Variants in PCDH7 observed in about 807,000 individuals in gnomAD.
PCDH7 encodes the protein protocadherin-7.
Under a neutral mutation model 58.9 loss-of-function variants are expected in PCDH7, and 17 were observed. That is an observed-to-expected ratio of 0.29 (90% CI 0.20 to 0.43). The LOEUF is 0.43. Ranked by LOEUF, PCDH7 falls within the 20% of genes least tolerant of loss-of-function variation. The pLI is 1.00. For missense variants in PCDH7, 1,274 were observed against 1,441.0 expected (o/e 0.88, Z 1.88); for synonymous variants, 664 against 616.4 (o/e 1.08, Z -1.14).
At chr4:30,831,926 A>G (rs986585392) in intron 1 of PCDH7, among the ~76,000 whole-genome samples, 1 of 152,084 alleles carries the variant, frequency 6.6e-6, no homozygotes, top group African/African-American at 2.4e-5. Flanking sequence ...TGTATTTAAG[A>G]TATTTTGTAA....
intron 2 of PCDH7, among the ~76,000 whole-genome samples, chr4:30,941,554 G>A (rs972846984): frequency 1.3e-5 from 2 of 151,900 alleles, no homozygotes; most frequent in East Asian, 1.9e-4. Context: ...GTAAGAGGAG[G>A]GAGGTAACAA....
intron 1 of PCDH7, among the ~76,000 whole-genome samples, chr4:30,894,480 AAAAAAAAAAAATATAT>A (rs1279077031): frequency 9.0e-5 from 5 of 55,262 alleles, no homozygotes; most frequent in African/African-American, 2.9e-4. Context: ...AAAAAAAAAA[AAAAAAAAAAAATATAT>A]ATATATATAT....
At chr4:31,119,312 C>T (rs1207172330) in intron 3 of PCDH7, among the ~76,000 whole-genome samples, 5 of 152,064 alleles carry the variant, frequency 3.3e-5, no homozygotes, top group Non-Finnish European at 7.4e-5. Flanking sequence ...ATTAATTGAG[C>T]GCAGATCAAT....
intron 3 of PCDH7, among the ~76,000 whole-genome samples, chr4:30,971,836 C>A (rs150733649): frequency 0.013 from 2,030 of 152,196 alleles, 46 homozygotes; most frequent in African/African-American, 0.047. Context: ...GTGGCACATG[C>A]CTGTGGGGGC....
chr4:30,968,648 C>T (rs1749268358), intron 3 of PCDH7, among the ~76,000 whole-genome samples: 1 of 151,902 alleles, frequency 6.6e-6, no homozygotes. Flanking sequence ...TAATTCAGTT[C>T]ACTTGCCAGT....
intron 1 of PCDH7, among the ~76,000 whole-genome samples, chr4:30,888,384 A>G (rs373957569): frequency 6.6e-6 from 1 of 152,146 alleles, no homozygotes; most frequent in African/African-American, 2.4e-5. Flanking sequence ...CAATATCCAA[A>G]CTGTGAGATT....
intron 2 of PCDH7, among the ~76,000 whole-genome samples, chr4:30,931,182 G>A (rs915609673): frequency 6.6e-6 from 1 of 152,112 alleles, no homozygotes; most frequent in Non-Finnish European, 1.5e-5. Flanking sequence ...ACCATAAACT[G>A]CTTAAAGACA....
rs1714047611 is a variant in PCDH7 at position 30,723,413 on chromosome 4, T to C, written c.1991T>C (p.Met664Thr). The change falls in exon 1 of 2, where the codon ATG becomes ACG. Residue 664 changes from methionine (M) to threonine (T), a missense_variant. Around this residue, in one of 3 missense-constraint regions of PCDH7, gnomAD observed 731 missense variants for 881.9 expected, o/e 0.83. Transcript: ENST00000361762. The surrounding 1 kb of genome is among the most constrained non-coding windows in gnomAD (Gnocchi z 4.6). ...AGCCCTGTGGGGATGGTCACCGTGA[T>C]GGATGCTGACAAGGGGCGGAATGCA... 6.2e-7 allele frequency: 1 copy of C among 1,614,076 alleles called. No homozygotes were observed. The highest frequency in any genetic ancestry group is 1.3e-5 in the African/African-American group (1 of 74,932).
At chr4:30,847,959 G>T (rs1237716606) in intron 1 of PCDH7, among the ~76,000 whole-genome samples, 1 of 152,048 alleles carries the variant, frequency 6.6e-6, no homozygotes, top group African/African-American at 2.4e-5. Flanking sequence ...ATTTTCAAGA[G>T]AAAAGTCTAA....
chr4:30,911,320 ACCC>A (rs10718639), intron 1 of PCDH7, among the ~76,000 whole-genome samples: 104 of 116,206 alleles, frequency 8.9e-4, no homozygotes, highest in African/African-American at 3.0e-3. Flanking sequence ...AAAAAAAATC[ACCC>A]CCCCCCCCAA....
At chr4:31,043,401 A>G (rs1487589276) in intron 3 of PCDH7, among the ~76,000 whole-genome samples, 1 of 152,084 alleles carries the variant, frequency 6.6e-6, no homozygotes, top group East Asian at 1.9e-4. Context: ...ACTCCCACCA[A>G]CAGTGGAAAA....
rs560517004 is a variant in PCDH7, at chr4:31,071,626, A to G, written c.*8-70847A>G. 6.6e-5 allele frequency among the ~76,000 whole-genome samples: 10 copies of G among 152,152 alleles called. 1 individual carries two copies. The highest frequency in any genetic ancestry group is 3.3e-4 in the Admixed American group (5 of 15,250). Reference sequence around the variant, plus strand: ...TCATTAGTGATAAAATAATGGGGTAAGTCAGCAGAGAAAGCTCAATTCATT... The same window carrying G: ...TCATTAGTGATAAAATAATGGGGTAGGTCAGCAGAGAAAGCTCAATTCATT... On this transcript the variant is annotated intron_variant, in intron 3 of 3. Transcript: ENST00000509759.
At chr4:30,845,783 G>A (rs1189808889) in intron 1 of PCDH7, among the ~76,000 whole-genome samples, 1 of 152,012 alleles carries the variant, frequency 6.6e-6, no homozygotes, top group South Asian at 2.1e-4. Context: ...TTTAGAGACA[G>A]AGTAACATTA....
intron 3 of PCDH7, among the ~76,000 whole-genome samples, chr4:31,079,325 T>C: frequency 2.4e-5 from 1 of 41,402 alleles, no homozygotes; most frequent in Non-Finnish European, 4.5e-5. Flanking sequence ...TATATATATA[T>C]ATATATATAT....
rs147741615 is a variant in PCDH7 at position 30,745,319 on chromosome 4, C to CT, written c.70+20730dup. 5.4e-3 allele frequency among the ~76,000 whole-genome samples: 805 copies of CT among 148,520 alleles called. 6 individuals are homozygous for CT. The highest frequency in any genetic ancestry group is 0.017 in the African/African-American group (696 of 40,334). ...GATATCTGGAGAACAATTATAATGACTTTTTTTCTTTTACAATTTCTAATT... is the reference window on the plus strand; with the variant it reads ...GATATCTGGAGAACAATTATAATGACTTTTTTTTCTTTTACAATTTCTAATT... On this transcript the variant is annotated intron_variant, in intron 1 of 3. Coordinates refer to the PCDH7 transcript ENST00000509759.
At chr4:30,879,249 C>T (rs971665640) in intron 1 of PCDH7, among the ~76,000 whole-genome samples, 1 of 151,386 alleles carries the variant, frequency 6.6e-6, no homozygotes, top group African/African-American at 2.4e-5. Flanking sequence ...TCTTTCCTTT[C>T]TTCTCTACTT....
rs529823417 is a variant in PCDH7 at position 30,840,502 on chromosome 4, C to T, written c.71-79651C>T. ...CTCATACTTCCGTTATTGTATTATC[C>T]TTTAAAAATAAAACAATAAATATTT... On this transcript the variant is annotated intron_variant, in intron 1 of 3. Transcript: ENST00000509759. Among the ~76,000 whole-genome samples, 20 of 152,080 alleles carry T rather than the reference C, an allele frequency of 1.3e-4. No individual in the cohort carries two copies. In the East Asian group the frequency reaches 3.7e-3, roughly 28 times the overall value.
chr4:31,057,001 T>C (rs1757314352), intron 3 of PCDH7, among the ~76,000 whole-genome samples: 1 of 152,218 alleles, frequency 6.6e-6, no homozygotes, highest in South Asian at 2.1e-4. Context: ...TGTTTATTTT[T>C]AGAAAATTTC....
At position 30,723,446 on chromosome 4, in the gene PCDH7, G is replaced by A. The variant is rs762829250; in HGVS notation, c.2024G>A (p.Ser675Asn). The A allele has an allele frequency of 1.2e-5, 19 of 1,614,046 alleles. No homozygotes were observed. Among genetic ancestry groups the A allele is most frequent in the Non-Finnish European group, 1.5e-5 (18 of 1,180,028 alleles). Residue 675 changes from serine to asparagine, a missense_variant, in exon 1 of 2, where the codon AGC becomes AAC. Ser to Asn is a conservative substitution (Grantham distance 46). Coordinates refer to ENST00000361762, the Ensembl canonical transcript of PCDH7. This position sits in a 1 kb window ranked among gnomAD's most constrained non-coding sequence, Gnocchi z 4.6. ...GACAAGGGGCGGAATGCAGAGATGAGCCTGTACATAGAGGAGAACAATAAC... is the reference window on the plus strand; with the variant it reads ...GACAAGGGGCGGAATGCAGAGATGAACCTGTACATAGAGGAGAACAATAAC...
Sources: gnomAD v4.1 joint callset for allele counts (sites outside exome capture counted in the v4.1 genomes callset) on GRCh38, gnomAD v4.1.1 for gene constraint, gnomAD v4.1.1 regional missense constraint, Gnocchi (gnomAD v3.1) non-coding constraint, MANE v1.5 for transcripts, NCBI Gene and HGNC (gene_info 2026-07-23, HGNC 2026-07-21) for gene names.